The following GLIS1 variants were observed in gnomAD, a reference collection of about 807,000 sequenced individuals.
GLIS1 encodes the protein zinc finger protein GLIS1.
GLIS1 carries 24 observed loss-of-function variants against 63.8 expected under a neutral mutation model. The observed-to-expected ratio is 0.38, with a 90% CI of 0.27 to 0.53. GLIS1 has a LOEUF of 0.53. Among genes scored for constraint, GLIS1 ranks in the 20% least tolerant of loss-of-function variants. The pLI is 0.85. For synonymous variants in GLIS1, 450 were observed against 482.5 expected (o/e 0.93, Z 0.88); for missense variants, 1,036 against 1,074.1 (o/e 0.96, Z 0.50).
intron 4 of GLIS1, 23 bp downstream of exon 4, chr1:53,594,085 C>T: frequency 1.3e-6 from 2 of 1,582,096 alleles, no homozygotes; most frequent in African/African-American, 1.3e-5. Flanking sequence ...TGGGGTGAGG[C>T]CTGGCGGCCG....
chr1:53,693,649 C>T (rs917526859), intron 2 of GLIS1, among the ~76,000 whole-genome samples: 2 of 152,186 alleles, frequency 1.3e-5, no homozygotes, highest in African/African-American at 4.8e-5. Context: ...TACAAGCAGT[C>T]CCGGCCTCGG....
At chr1:53,720,863 T>TACCA (rs1436072709) in intron 2 of GLIS1, among the ~76,000 whole-genome samples, 1 of 152,166 alleles carries the variant, frequency 6.6e-6, no homozygotes, top group African/African-American at 2.4e-5. Context: ...CTGGGCATGG[T>TACCA]AGCCGGAGTC....
At chr1:53,572,172 C>T (rs899039901) in intron 4 of GLIS1, among the ~76,000 whole-genome samples, 19 of 152,296 alleles carry the variant, frequency 1.2e-4, no homozygotes, top group Non-Finnish European at 2.4e-4. Flanking sequence ...AGTCAGGGCT[C>T]TGGGGCCAAA....
chr1:53,613,805 C>T (rs1645450611), intron 2 of GLIS1, among the ~76,000 whole-genome samples: 1 of 152,138 alleles, frequency 6.6e-6, no homozygotes, highest in South Asian at 2.1e-4. Flanking sequence ...ATCCATTCCC[C>T]CACAGCTCCA....
At chr1:53,633,747 G>GT (rs1645695161) in intron 2 of GLIS1, among the ~76,000 whole-genome samples, 1 of 151,964 alleles carries the variant, frequency 6.6e-6, no homozygotes, top group African/African-American at 2.4e-5. Context: ...AGGATGGTTA[G>GT]TAACATCCAC....
intron 2 of GLIS1, among the ~76,000 whole-genome samples, chr1:53,677,386 G>C (rs766750714): frequency 6.6e-6 from 1 of 152,124 alleles, no homozygotes; most frequent in Non-Finnish European, 1.5e-5. Context: ...ATGGCGCGGG[G>C]GCAGGAATTC....
chr1:53,566,107 A>G (rs1644934896), intron 4 of GLIS1, among the ~76,000 whole-genome samples: 1 of 152,224 alleles, frequency 6.6e-6, no homozygotes, highest in Non-Finnish European at 1.5e-5. Flanking sequence ...ACTTAGAAAG[A>G]GCATTTGATA....
At chr1:53,528,057 C>T (rs2100324883) in intron 5 of GLIS1, among the ~76,000 whole-genome samples, 1 of 152,172 alleles carries the variant, frequency 6.6e-6, no homozygotes, top group Admixed American at 6.5e-5. Context: ...CTGGCACTGT[C>T]AGCGCTGGCT....
At chr1:53,534,995 A>T (rs1397869292) in intron 4 of GLIS1, among the ~76,000 whole-genome samples, 1 of 152,036 alleles carries the variant, frequency 6.6e-6, no homozygotes, top group Non-Finnish European at 1.5e-5. Context: ...GAGCCAGGAA[A>T]AGCATTCCAG....
chr1:53,576,248 TCC>T (rs1306094503), intron 4 of GLIS1, among the ~76,000 whole-genome samples: 1 of 151,724 alleles, frequency 6.6e-6, no homozygotes, highest in African/African-American at 2.4e-5. Context: ...TCCTCTCTCC[TCC>T]ATCCTCCTCA....
intron 7 of GLIS1, among the ~76,000 whole-genome samples, chr1:53,519,273 C>T (rs904057215): frequency 6.6e-6 from 1 of 152,180 alleles, no homozygotes; most frequent in African/African-American, 2.4e-5. Flanking sequence ...GGCATCCATC[C>T]GCCTGTGTCC....
intron 4 of GLIS1, among the ~76,000 whole-genome samples, chr1:53,577,017 CCACCCAATCTCTGTGCCT>C (rs2100483277): frequency 6.6e-6 from 1 of 152,086 alleles, no homozygotes; most frequent in Non-Finnish European, 1.5e-5. Flanking sequence ...GTCCCCTTGG[CCACCCAATCTCTGTGCCT>C]CACTTTCCCT....
chr1:53,617,644 G>C (rs1025901653), intron 2 of GLIS1, among the ~76,000 whole-genome samples: 1 of 152,264 alleles, frequency 6.6e-6, no homozygotes, highest in African/African-American at 2.4e-5. Flanking sequence ...CTGAGTGTGT[G>C]AATGTGGAAA....
chr1:53,682,330 A>G (rs1026333796), intron 2 of GLIS1, among the ~76,000 whole-genome samples: 10 of 152,196 alleles, frequency 6.6e-5, no homozygotes, highest in African/African-American at 2.4e-4. Context: ...GAGTGGGGGG[A>G]TGAAAGGTGC....
intron 2 of GLIS1, among the ~76,000 whole-genome samples, chr1:53,702,521 G>A (rs1177650333): frequency 6.6e-6 from 1 of 152,220 alleles, no homozygotes; most frequent in Non-Finnish European, 1.5e-5. Flanking sequence ...GAACAGGAGA[G>A]AGAGACGGCT....
In GLIS1 at chr1:53,560,680, G is replaced by C. The variant is rs75492620; in HGVS notation, c.1321-30728C>G. Among the ~76,000 whole-genome samples, 1,533 of 152,272 alleles carry C rather than the reference G, an allele frequency of 0.01. 24 individuals carry two copies. The highest frequency in any genetic ancestry group is 0.035 in the African/African-American group (1,467 of 41,542). On this transcript the variant is annotated intron_variant, in intron 4 of 10. Coordinates refer to ENST00000628545, the MANE Select transcript of GLIS1 (RefSeq NM_001367484.1). The surrounding 1 kb of genome is among the most constrained non-coding windows in gnomAD (Gnocchi z 4.4). ...ACACTTGTTGCGGGCCGTGTGTCCC[G>C]CAATGTTCTAGGCACTGGGGCAGCC...
chr1:53,581,920 A>C (rs1645089343), intron 4 of GLIS1, among the ~76,000 whole-genome samples: 1 of 152,108 alleles, frequency 6.6e-6, no homozygotes, highest in African/African-American at 2.4e-5. Flanking sequence ...GGACATCTGA[A>C]TGTCTGAGCT....
At chr1:53,711,759 G>C (rs1386084746) in intron 2 of GLIS1, among the ~76,000 whole-genome samples, 1 of 152,238 alleles carries the variant, frequency 6.6e-6, no homozygotes, top group African/African-American at 2.4e-5. Context: ...ATTGTTATCA[G>C]TTAACACTTT....
At chr1:53,687,916 A>T (rs1479607722) in intron 2 of GLIS1, among the ~76,000 whole-genome samples, 1 of 152,136 alleles carries the variant, frequency 6.6e-6, no homozygotes, top group East Asian at 1.9e-4. Context: ...CGTCCACCAC[A>T]TCATAGATGA....
Sources: allele counts gnomAD v4.1 joint callset (sites outside exome capture counted in the v4.1 genomes callset), GRCh38; gene constraint gnomAD v4.1.1; non-coding constraint Gnocchi (gnomAD v3.1); transcripts MANE v1.5; gene names NCBI Gene and HGNC (gene_info 2026-07-23, HGNC 2026-07-21).